Variants in RP1 observed in about 807,000 individuals in gnomAD.
RP1 encodes the protein RP1 axonemal microtubule associated.
A neutral mutation model predicts 14.8 loss-of-function variants in RP1; 16 were observed. The observed-to-expected ratio is 1.08, with a 90% CI of 0.73 to 1.65. The LOEUF (loss-of-function observed/expected upper bound fraction) is 1.65. Among genes scored for constraint, RP1 ranks in the 40% most tolerant of loss-of-function variants. The pLI is 0.00. For missense variants in RP1, 2,631 were observed against 2,535.0 expected, an observed-to-expected ratio of 1.04 and a Z score of -0.81; for synonymous variants, 876 against 883.6, an observed-to-expected ratio of 0.99 and a Z score of 0.15.
chr8:54,726,951 T>C (rs1259992579), intron 17 of RP1, among the ~76,000 whole-genome samples: 2 of 152,054 alleles, frequency 1.3e-5, no homozygotes, highest in African/African-American at 4.8e-5. Context: ...CTTAAATGTA[T>C]TAACTTTTAT....
chr8:54,622,942 T>C (rs1181609414), intron 3 of RP1, among the ~76,000 whole-genome samples: 1 of 152,230 alleles, frequency 6.6e-6, no homozygotes, highest in African/African-American at 2.4e-5. Context: ...ATGGCTAATC[T>C]CATTATTCAT....
intron 24 of RP1, among the ~76,000 whole-genome samples, chr8:54,822,834 A>G (rs1264576137): frequency 6.6e-6 from 1 of 152,226 alleles, no homozygotes; most frequent in African/African-American, 2.4e-5. Flanking sequence ...AGAGCTAACT[A>G]TACACATGCA....
chr8:54,705,768 TA>T (rs1015475463), intron 14 of RP1, among the ~76,000 whole-genome samples: 8 of 151,674 alleles, frequency 5.3e-5, no homozygotes, highest in African/African-American at 1.9e-4. Context: ...GTATGGTCCT[TA>T]AGGAGAAGAA....
downstream of RP1, among the ~76,000 whole-genome samples, chr8:54,633,880 G>A (rs1197181541): frequency 6.6e-6 from 1 of 151,754 alleles, no homozygotes; most frequent in Non-Finnish European, 1.5e-5. Context: ...TATTATCTTA[G>A]TCCTCACGAG....
chr8:54,818,587 G>A (rs1367347499), intron 24 of RP1, among the ~76,000 whole-genome samples: 1 of 152,192 alleles, frequency 6.6e-6, no homozygotes, highest in Non-Finnish European at 1.5e-5. Context: ...CAAGATGTCA[G>A]GCTCAGCTTT....
intron 3 of RP1, among the ~76,000 whole-genome samples, chr8:54,637,256 G>A (rs1031393417): frequency 2.6e-5 from 4 of 152,124 alleles, no homozygotes; most frequent in Non-Finnish European, 5.9e-5. Flanking sequence ...AGGACTGATT[G>A]AACTCCTGGG....
chr8:54,699,365 T>A (rs1807957319), intron 12 of RP1: 5 of 446,758 alleles, frequency 1.1e-5, no homozygotes, highest in East Asian at 6.9e-5. Flanking sequence ...AACATTTAAT[T>A]GAGAAGTTTA....
chr8:54,794,375 G>A (rs1418640884), intron 24 of RP1, among the ~76,000 whole-genome samples: 1 of 151,806 alleles, frequency 6.6e-6, no homozygotes, highest in African/African-American at 2.4e-5. Context: ...TAGACACAAA[G>A]TCAAACGGAA....
chr8:54,585,905 A>G (rs1204938943), intron 1 of RP1, among the ~76,000 whole-genome samples: 1 of 150,964 alleles, frequency 6.6e-6, no homozygotes, highest in African/African-American at 2.4e-5. Context: ...CGTCTAATTT[A>G]TTTTTAAGGT....
At chr8:54,602,284 G>T (rs1424237012) in intron 1 of RP1, among the ~76,000 whole-genome samples, 1 of 152,178 alleles carries the variant, frequency 6.6e-6, no homozygotes, top group Non-Finnish European at 1.5e-5. Flanking sequence ...AGAACATGCG[G>T]TGTTTGGTTT....
chr8:54,838,537 G>T (rs184365992), intron 25 of RP1, among the ~76,000 whole-genome samples: 3 of 152,296 alleles, frequency 2.0e-5, no homozygotes, highest in African/African-American at 4.8e-5. Context: ...CAGAATGTAT[G>T]CATGTGAGTG....
chr8:54,588,135 G>A (rs1439630935), intron 1 of RP1, among the ~76,000 whole-genome samples: 10 of 152,190 alleles, frequency 6.6e-5, no homozygotes, highest in African/African-American at 2.4e-4. Context: ...GCAAATTATG[G>A]TGCATATTTC....
At chr8:54,740,037 T>A (rs1809034033) in intron 19 of RP1, among the ~76,000 whole-genome samples, 3 of 150,310 alleles carry the variant, frequency 2.0e-5, no homozygotes, top group Non-Finnish European at 4.4e-5. Flanking sequence ...GATGTGTGTT[T>A]TATATATATG....
chr8:54,630,626 T>A lies in RP1; in HGVS notation c.*273T>A. 8.4e-7 allele frequency: 1 copy of A among 1,196,598 alleles called. No individual in the cohort carries two copies. The allele number at this position is 1,196,598 out of a possible 1,614,324, so 74.1% of individuals were successfully genotyped here. On this transcript the variant is annotated 3_prime_UTR_variant, in exon 4 of 4. Transcript: ENST00000220676. ...TTTTTTTTTTTTTTGGTATCTATGA[T>A]TTTTTTTGCTCAGGGCATCAAAATG...
intron 22 of RP1, among the ~76,000 whole-genome samples, chr8:54,762,949 T>C (rs564594443): frequency 3.3e-5 from 5 of 152,344 alleles, no homozygotes; most frequent in Non-Finnish European, 7.4e-5. Context: ...GTAAGGACAC[T>C]GTCGTCATTG....
At chr8:54,622,551 TAAAA>T (rs1805909961) in intron 3 of RP1, among the ~76,000 whole-genome samples, 2 of 152,142 alleles carry the variant, frequency 1.3e-5, no homozygotes, top group Admixed American at 6.5e-5. Flanking sequence ...AATACCTAGT[TAAAA>T]AAATAAAAAT....
intron 24 of RP1, among the ~76,000 whole-genome samples, chr8:54,817,033 G>A (rs75797562): frequency 0.021 from 3,235 of 151,962 alleles, 206 homozygotes; most frequent in East Asian, 0.19. Context: ...AGAGCCTTTC[G>A]CTGGCCACCC....
intron 25 of RP1, among the ~76,000 whole-genome samples, chr8:54,848,148 C>T (rs1056991479): frequency 1.8e-4 from 27 of 152,174 alleles, no homozygotes; most frequent in African/African-American, 5.5e-4. Flanking sequence ...TGTGTGGGCT[C>T]AGATATCTGG....
intron 6 of RP1, among the ~76,000 whole-genome samples, chr8:54,662,604 A>G (rs1013917807): frequency 2.0e-5 from 3 of 152,126 alleles, no homozygotes; most frequent in African/African-American, 7.2e-5. Context: ...TCTCATCTTT[A>G]TATTTGAGGA....
Sources: allele counts gnomAD v4.1 joint callset (sites outside exome capture counted in the v4.1 genomes callset), GRCh38; gene constraint gnomAD v4.1.1; transcripts MANE v1.5; gene names NCBI Gene and HGNC (gene_info 2026-07-23, HGNC 2026-07-21).